The following HDAC5 variants were observed in gnomAD, a reference collection of about 807,000 sequenced individuals.
HDAC5 encodes antigen NY-CO-9.
HDAC5 carries 25 observed loss-of-function variants against 133.3 expected under a neutral mutation model. That is an observed-to-expected ratio of 0.19 (90% CI 0.14 to 0.26). The LOEUF (loss-of-function observed/expected upper bound fraction) is 0.26, where lower values mean the gene tolerates loss of function less well. HDAC5 is among the 10% of genes least tolerant of loss of function. The pLI is 1.00. For missense variants in HDAC5, 1,041 were observed against 1,460.5 expected, an observed-to-expected ratio of 0.71 and a Z score of 4.68; for synonymous variants, 589 against 610.8, an observed-to-expected ratio of 0.96 and a Z score of 0.53.
At chr17:44,100,368 C>A (rs1240367644) in intron 3 of HDAC5, among the ~76,000 whole-genome samples, 1 of 151,932 alleles carries the variant, frequency 6.6e-6, no homozygotes, top group Non-Finnish European at 1.5e-5. Flanking sequence ...AGGGAGCTGG[C>A]ACAGTGTGGA....
chr17:44,092,164 G>A lies in HDAC5; in HGVS notation c.1032+8C>T. 6.2e-7 allele frequency: 1 copy of A among 1,610,774 alleles called. No individual in the cohort carries two copies. Among genetic ancestry groups the A allele is most frequent in the Non-Finnish European group, 8.5e-7 (1 of 1,177,260 alleles). Reference sequence around the variant, plus strand: ...CCCCGCCCCACCAGCCCCCAGCCAGGCCTGTACCTCAGTGGGGATGTTGGG... The same window carrying A: ...CCCCGCCCCACCAGCCCCCAGCCAGACCTGTACCTCAGTGGGGATGTTGGG... On this transcript the variant is annotated splice_region_variant and intron_variant, in intron 9 of 26. Coordinates refer to ENST00000682912, the MANE Select transcript of HDAC5 (RefSeq NM_005474.5).
chr17:44,087,875 CCTCT>C (rs1461397052), intron 12 of HDAC5, among the ~76,000 whole-genome samples, 179 bp from the exon 13 acceptor site: 1 of 151,928 alleles, frequency 6.6e-6, no homozygotes, highest in Non-Finnish European at 1.5e-5. Context: ...ACAGAGTCTC[CCTCT>C]GTCGCCCAGC....
intron 17 of HDAC5, 74 bp downstream of exon 17, chr17:44,083,731 G>C: frequency 6.3e-7 from 1 of 1,577,396 alleles, no homozygotes; most frequent in Non-Finnish European, 8.7e-7. Flanking sequence ...GTGGGCCAGC[G>C]GCTGTGGTAG....
intron 3 of HDAC5, among the ~76,000 whole-genome samples, chr17:44,095,423 T>C (rs2051206131): frequency 6.6e-6 from 1 of 152,072 alleles, no homozygotes; most frequent in Non-Finnish European, 1.5e-5. Flanking sequence ...CAGGAGAGGC[T>C]GGTGGAGACC....
At chr17:44,097,078 G>A (rs2051319649) in intron 3 of HDAC5, among the ~76,000 whole-genome samples, 1 of 152,224 alleles carries the variant, frequency 6.6e-6, no homozygotes, top group Admixed American at 6.5e-5. Flanking sequence ...CAAAGGGTGG[G>A]CTAAGAGAGG....
chr17:44,114,834 C>A (rs1935019475), intron 2 of HDAC5, among the ~76,000 whole-genome samples: 1 of 152,186 alleles, frequency 6.6e-6, no homozygotes, highest in Non-Finnish European at 1.5e-5. Context: ...CCCCCTTTTG[C>A]CGGAAGAAAA....
At chr17:44,113,595 A>G (rs2052471191) in intron 2 of HDAC5, among the ~76,000 whole-genome samples, 1 of 151,892 alleles carries the variant, frequency 6.6e-6, no homozygotes, top group Admixed American at 6.6e-5. Flanking sequence ...CAACCAGCAC[A>G]CCCATGTATC....
rs372652129 is a variant in HDAC5, at chr17:44,093,527, G to C, written c.355-42C>G. On this transcript the variant is annotated intron_variant, in intron 4 of 26. Transcript: ENST00000682912. ...ACGGAGGCACAAGTGAGCCAGGCCC[G>C]GGCGGGGATCGGAGGTCTGGGCGGC... 1.9e-6 allele frequency: 3 copies of C among 1,598,254 alleles called. No individual in the cohort carries two copies. The African/African-American group carries it at 4.0e-5, about 21-fold the overall frequency.
intron 3 of HDAC5, among the ~76,000 whole-genome samples, chr17:44,107,356 C>T (rs1478959295): frequency 6.6e-6 from 1 of 152,210 alleles, no homozygotes; most frequent in Non-Finnish European, 1.5e-5. Context: ...CGCCTGCAAT[C>T]CCAACACTGT....
chr17:44,091,484 C>T lies in HDAC5; in HGVS notation c.1173G>A (p.Pro391=), dbSNP rs771637705. The T allele has an allele frequency of 3.2e-5, 49 of 1,544,532 alleles. No homozygotes were observed. Among genetic ancestry groups the T allele is most frequent in the Non-Finnish European group, 3.9e-5 (45 of 1,149,432 alleles). Residue 391 remains proline, a synonymous_variant, in exon 11 of 27, where the codon CCG becomes CCA. Transcript: ENST00000682912. ...CGGCCTCCTGCTGTGTCGACAGCTT[C>T]GGGGAGGCCTGGGGGGTGAAGGGAG... ...TVTNSHLTAS[P]KLSTQQEAER...
chr17:44,100,106 A>G lies in HDAC5; in HGVS notation c.95-6272T>C, dbSNP rs541970624. Among the ~76,000 whole-genome samples the G allele has an allele frequency of 2.0e-5, 3 of 152,266 alleles. No individual in the cohort carries two copies. In the East Asian group the frequency reaches 5.8e-4, roughly 29 times the overall value. On this transcript the variant is annotated intron_variant, in intron 3 of 26. Transcript: ENST00000682912. ...AGGCAAAGAGACACTGCCTCCAAAT[A>G]GACGAGTGGCCCTGGGCCATGAGGC... is the stretch of plus-strand genomic sequence containing the variant.
chr17:44,093,906 G>A, intron 3 of HDAC5, 72 bp from the exon 4 acceptor site: 1 of 1,428,992 alleles, frequency 7.0e-7, no homozygotes, highest in Non-Finnish European at 9.2e-7. Flanking sequence ...AGGCCCAAAG[G>A]CTACCACGCA....
chr17:44,107,161 A>T (rs571640286), intron 3 of HDAC5, among the ~76,000 whole-genome samples: 1 of 152,030 alleles, frequency 6.6e-6, no homozygotes, highest in Admixed American at 6.6e-5. Context: ...TATGCTGCGC[A>T]GGCTGGTCTC....
intron 3 of HDAC5, among the ~76,000 whole-genome samples, chr17:44,106,443 G>A (rs1381119912): frequency 6.6e-6 from 1 of 152,182 alleles, no homozygotes; most frequent in Non-Finnish European, 1.5e-5. Context: ...TTAAGGCTGT[G>A]TAGGTGGCAT....
chr17:44,084,329 C>T lies in HDAC5; in HGVS notation c.2305+226G>A, dbSNP rs192844943. ...CCGTGGAGGAGGGGAACAAAGCAGTCCCCCCAACCGAGCACTTCCATCCTC... is the reference window on the plus strand; with the variant it reads ...CCGTGGAGGAGGGGAACAAAGCAGTTCCCCCAACCGAGCACTTCCATCCTC... On this transcript the variant is annotated intron_variant, in intron 16 of 26. Transcript: ENST00000682912. Among the ~76,000 whole-genome samples, 71 of 152,236 alleles carry T rather than the reference C, an allele frequency of 4.7e-4. 1 individual carries two copies. The highest frequency in any genetic ancestry group is 1.7e-3 in the African/African-American group (70 of 41,532).
chr17:44,079,436 T>C (rs1200539961), intron 23 of HDAC5, 159 bp from the exon 24 acceptor site: 4 of 614,978 alleles, frequency 6.5e-6, no homozygotes, highest in Non-Finnish European at 1.1e-5. Flanking sequence ...GGTCAGGAGT[T>C]CGAGACCAGC....
In HDAC5 at chr17:44,092,259, G is replaced by A. The variant is rs775357815; in HGVS notation, c.945C>T (p.Pro315=). 9.3e-6 allele frequency: 15 copies of A among 1,613,918 alleles called. No homozygotes were observed. Among genetic ancestry groups the A allele is most frequent in the Admixed American group, 3.3e-5 (2 of 59,980 alleles). Residue 315 remains proline, a synonymous_variant, in exon 9 of 27, where the codon CCC becomes CCT. Transcript: ENST00000682912. ...TGTTGGGAGAGCTGGGGCCGGAGCC[G>A]GGTGCGCTGTTACACACGGACGACG... The part of the protein sequence containing the change: ...PGASSVCNSA[P]GSGPSSPNSS...
intron 2 of HDAC5, among the ~76,000 whole-genome samples, chr17:44,113,537 T>C (rs1250383970): frequency 1.3e-5 from 2 of 152,196 alleles, no homozygotes; most frequent in East Asian, 1.9e-4. Flanking sequence ...CAATCCTTCA[T>C]GCTTTAGCCC....
At chr17:44,087,745 G>C in intron 12 of HDAC5, 49 bp from the exon 13 acceptor site, 1 of 1,521,646 alleles carries the variant, frequency 6.6e-7, no homozygotes, top group South Asian at 1.3e-5. Context: ...GGGAGCAGCT[G>C]TGCAGCCTAA....
Sources: gnomAD v4.1 joint callset for allele counts (sites outside exome capture counted in the v4.1 genomes callset) on GRCh38, gnomAD v4.1.1 for gene constraint, MANE v1.5 for transcripts, NCBI Gene and HGNC (gene_info 2026-07-23, HGNC 2026-07-21) for gene names.